Variants in TNFSF18 observed in about 807,000 individuals in gnomAD.
TNFSF18 encodes tumor necrosis factor ligand superfamily member 18.
TNFSF18 carries 6 observed loss-of-function variants against 9.6 expected under a neutral mutation model. The observed-to-expected ratio is 0.63, with a 90% confidence interval of 0.34 to 1.24. The LOEUF (loss-of-function observed/expected upper bound fraction) is 1.24. Among genes scored for constraint, TNFSF18 ranks in the 50% most tolerant of loss-of-function variants. The pLI is 0.03. For missense variants in TNFSF18, 210 were observed against 201.0 expected (o/e 1.04, Z -0.27); for synonymous variants, 68 against 71.7 (o/e 0.95, Z 0.26).
chr1:173,047,276 C>T (rs1022602182), intron 1 of TNFSF18, among the ~76,000 whole-genome samples: 3 of 152,070 alleles, frequency 2.0e-5, no homozygotes, highest in East Asian at 1.9e-4. Flanking sequence ...ATGATAGGGA[C>T]GTGACAAAGA....
chr1:173,041,806 C>T (rs538874315), intron 2 of TNFSF18, 93 bp from the exon 3 acceptor site: 4 of 1,006,244 alleles, frequency 4.0e-6, no homozygotes, highest in South Asian at 3.4e-5. Context: ...TTACCACATA[C>T]ATGTTGTTTC....
intron 1 of TNFSF18, among the ~76,000 whole-genome samples, chr1:173,047,138 T>C (rs1665098858): frequency 6.6e-6 from 1 of 152,052 alleles, no homozygotes; most frequent in African/African-American, 2.4e-5. Flanking sequence ...TCAAGCAATC[T>C]ACCCGCCTCA....
chr1:173,045,340 G>A (rs1446950341), intron 1 of TNFSF18, among the ~76,000 whole-genome samples: 1 of 152,168 alleles, frequency 6.6e-6, no homozygotes, highest in Admixed American at 6.6e-5. Context: ...AGAGTCTGAT[G>A]TTTGGAAGCC....
In TNFSF18 at chr1:173,048,282, G is replaced by A. The variant is rs573935122; in HGVS notation, c.156+2459C>T. Among the ~76,000 whole-genome samples, 47 of 152,248 alleles carry A rather than the reference G, an allele frequency of 3.1e-4. 1 individual carries two copies. The highest frequency in any genetic ancestry group is 2.1e-3 in the South Asian group (10 of 4,826). ...CACTTTTAAAGACACATATGGGTTC[G>A]TTATTTTTGCTTAGAAGGATCAGTT... is the stretch of plus-strand genomic sequence containing the variant. On this transcript the variant is annotated intron_variant, in intron 1 of 2. Transcript: ENST00000404377.
At position 173,041,293 on chromosome 1, in the gene TNFSF18, A is replaced by G; in HGVS notation, c.*74T>C. ...TAGACAGACAAACTCTAGAAATTGA[A>G]TATCTTCTCCCTCCAATCCACCCAC... On this transcript the variant is annotated 3_prime_UTR_variant, in exon 3 of 3. Transcript: ENST00000404377. The G allele has an allele frequency of 8.2e-7, 1 of 1,214,012 alleles. No individual in the cohort carries two copies. The allele number at this position is 1,214,012 out of a possible 1,614,324, so 75.2% of individuals were successfully genotyped here.
intron 1 of TNFSF18, among the ~76,000 whole-genome samples, chr1:173,046,975 C>T (rs1665095091): frequency 6.6e-6 from 1 of 152,062 alleles, no homozygotes; most frequent in Non-Finnish European, 1.5e-5. Flanking sequence ...TCACTACAGC[C>T]TCATCCTCCT....
At chr1:173,046,732 T>C (rs1571473231) in intron 1 of TNFSF18, among the ~76,000 whole-genome samples, 1 of 152,124 alleles carries the variant, frequency 6.6e-6, no homozygotes, top group Non-Finnish European at 1.5e-5. Flanking sequence ...AGTGTACATA[T>C]TATTAGTACT....
intron 1 of TNFSF18, among the ~76,000 whole-genome samples, chr1:173,046,502 A>G (rs2101927760): frequency 6.6e-6 from 1 of 152,336 alleles, no homozygotes; most frequent in South Asian, 2.1e-4. Flanking sequence ...CAAACTTCAA[A>G]TTGCTGTATC....
intron 1 of TNFSF18, among the ~76,000 whole-genome samples, chr1:173,045,377 C>T (rs774596737): frequency 2.0e-5 from 3 of 152,092 alleles, no homozygotes; most frequent in East Asian, 1.9e-4. Flanking sequence ...TCATGAAGGA[C>T]GAGTGATCAG....
chr1:173,050,938 T>C lies in TNFSF18; in HGVS notation c.-42A>G, dbSNP rs1481340311. ...GCTGTGGAAAACAAAAATTCACAAG[T>C]GATGGGTGAAGGATGCAATGTCATG... On this transcript the variant is annotated 5_prime_UTR_variant, in exon 1 of 3. Transcript: ENST00000404377. The C allele has an allele frequency of 6.2e-7, 1 of 1,613,506 alleles. No individual in the cohort carries two copies. The highest frequency in any genetic ancestry group is 1.1e-5 in the South Asian group (1 of 91,038).
chr1:173,043,618 C>T (rs937870652), intron 2 of TNFSF18, among the ~76,000 whole-genome samples: 14 of 152,158 alleles, frequency 9.2e-5, no homozygotes, highest in African/African-American at 3.1e-4. Context: ...TTGTAGAAAT[C>T]TGAAACTTGT....
chr1:173,049,163 A>G (rs1386106395), intron 1 of TNFSF18, among the ~76,000 whole-genome samples: 1 of 152,172 alleles, frequency 6.6e-6, no homozygotes, highest in African/African-American at 2.4e-5. Flanking sequence ...GGTGTCCCAG[A>G]TGATCTGGCA....
At chr1:173,041,889 G>A (rs1289271671) in intron 2 of TNFSF18, among the ~76,000 whole-genome samples, 176 bp from the exon 3 acceptor site, 1 of 152,076 alleles carries the variant, frequency 6.6e-6, no homozygotes, top group African/African-American at 2.4e-5. Context: ...CCTTGTTTTA[G>A]AGAAATTGCA....
intron 2 of TNFSF18, 32 bp from the exon 3 acceptor site, chr1:173,041,745 A>G (rs1193033639): frequency 1.3e-6 from 2 of 1,509,340 alleles, no homozygotes; most frequent in Non-Finnish European, 1.8e-6. Context: ...AAAAAAGATG[A>G]AAGCATAGTT....
At chr1:173,043,665 C>T (rs896838440) in intron 2 of TNFSF18, among the ~76,000 whole-genome samples, 4 of 152,128 alleles carry the variant, frequency 2.6e-5, no homozygotes, top group Non-Finnish European at 5.9e-5. Flanking sequence ...AGGAGATTCC[C>T]GGATCTCAGA....
At chr1:173,049,146 G>C (rs1665127963) in intron 1 of TNFSF18, among the ~76,000 whole-genome samples, 1 of 152,172 alleles carries the variant, frequency 6.6e-6, no homozygotes, top group Non-Finnish European at 1.5e-5. Context: ...GTTTGATTCT[G>C]AAGAGAGGTG....
chr1:173,047,515 A>G (rs1359389802), intron 1 of TNFSF18, among the ~76,000 whole-genome samples: 1 of 152,224 alleles, frequency 6.6e-6, no homozygotes, highest in Non-Finnish European at 1.5e-5. Flanking sequence ...CATTGTAAGC[A>G]TGAGAAACAA....
rs1470011517 is a variant in TNFSF18 at position 173,045,632 on chromosome 1, T to TG, written c.157-1664_157-1663insC. 4.1e-3 allele frequency among the ~76,000 whole-genome samples: 559 copies of TG among 137,974 alleles called. 6 individuals are homozygous for TG. Among genetic ancestry groups the TG allele is most frequent in the Admixed American group, 8.3e-3 (108 of 13,048 alleles). The allele number at this position is 137,974 out of a possible 152,430, so 90.5% of individuals were successfully genotyped here. On this transcript the variant is annotated intron_variant, in intron 1 of 2. Coordinates refer to ENST00000404377, the MANE Select transcript of TNFSF18 (RefSeq NM_005092.4). ...ATGAGGATGAGAGATCAAAGAGGTT[T>TG]TTTGTTGTTGTTGTTGTTGTTGTTG...
chr1:173,046,744 G>A (rs1314579805), intron 1 of TNFSF18, among the ~76,000 whole-genome samples: 1 of 151,948 alleles, frequency 6.6e-6, no homozygotes, highest in Non-Finnish European at 1.5e-5. Context: ...ATTAGTACTT[G>A]TATATAGTAT....
Sources: gnomAD v4.1 joint callset for allele counts (sites outside exome capture counted in the v4.1 genomes callset) on GRCh38, gnomAD v4.1.1 for gene constraint, MANE v1.5 for transcripts, NCBI Gene and HGNC (gene_info 2026-07-23, HGNC 2026-07-21) for gene names.